TCF7: variants seen among roughly 807,000 people sequenced by gnomAD.
The protein encoded by TCF7 is transcription factor 7.
In TCF7, 19 loss-of-function variants were observed where a neutral mutation model predicts 46.8. That is an observed-to-expected ratio of 0.41 (90% CI 0.28 to 0.60). TCF7 has a LOEUF of 0.60. TCF7 is among the 20% of genes least tolerant of loss of function. The pLI is 0.35. For missense variants in TCF7, 547 were observed against 504.6 expected (o/e 1.08, Z -0.81); for synonymous variants, 245 against 213.4 (o/e 1.15, Z -1.29).
intron 3 of TCF7, 72 bp from the exon 4 acceptor site, chr5:134,137,987 G>T: frequency 7.7e-7 from 1 of 1,300,142 alleles, no homozygotes; most frequent in Non-Finnish European, 1.1e-6. Context: ...TGGGCTTCCT[G>T]TATACCCTCA....
At position 134,115,175 on chromosome 5, in the gene TCF7, G is replaced by A; in HGVS notation, c.249+20G>A. On this transcript the variant is annotated intron_variant, in intron 1 of 9. Transcript: ENST00000342854. ...GCCGAGGTGAGCCCCCGCCGGCGCC[G>A]GCTCCTCCCCCGCGGTCGCCGCGCC... The A allele has an allele frequency of 5.7e-6, 6 of 1,051,086 alleles. No individual in the cohort carries two copies. The highest frequency in any genetic ancestry group is 6.9e-6 in the Non-Finnish European group (6 of 869,604). 65.1% of individuals were successfully genotyped at this position (1,051,086 alleles called of 1,614,324 possible).
At chr5:134,120,035 G>T (rs111655602) in intron 3 of TCF7, among the ~76,000 whole-genome samples, 1 of 152,192 alleles carries the variant, frequency 6.6e-6, no homozygotes, top group Non-Finnish European at 1.5e-5. Context: ...CAGAGCTGGC[G>T]AGAGGAGCGC....
Position 134,115,374 on chromosome 5 carries a change from G to A in TCF7, c.303G>A (p.Glu101=). The change falls in exon 2 of 10, where the codon GAG becomes GAA. Residue 101 remains glutamate (E), a synonymous_variant. Coordinates refer to ENST00000342854, the MANE Select transcript of TCF7 (RefSeq NM_003202.5). ...AQRLFPDKLP[E]PLEDGLKAPE... ...GACTCTTCCCGGACAAACTTCCAGA[G>A]CCCCTGGAGGACGGTGAGTTTCTGC... 6.2e-7 allele frequency: 1 copy of A among 1,602,478 alleles called. No homozygotes were observed. The highest frequency in any genetic ancestry group is 1.1e-5 in the South Asian group (1 of 89,016).
At chr5:134,140,744 C>T (rs1456357836) in intron 5 of TCF7, 2 of 453,808 alleles carry the variant, frequency 4.4e-6, no homozygotes, top group East Asian at 7.0e-5. Context: ...GAAGTCTTTC[C>T]TCGTGTCTGG....
At chr5:134,112,548 G>A (rs970925967), upstream of TCF7, among the ~76,000 whole-genome samples, 2 of 152,180 alleles carry the variant, frequency 1.3e-5, no homozygotes, top group African/African-American at 2.4e-5. Context: ...TTGGAGCTAT[G>A]ACCCCATAGG....
At chr5:134,124,391 C>T (rs1757049144) in intron 3 of TCF7, among the ~76,000 whole-genome samples, 1 of 152,218 alleles carries the variant, frequency 6.6e-6, no homozygotes, top group Non-Finnish European at 1.5e-5. Context: ...TCCCCCTTCC[C>T]CTGCTTTCTG....
intron 3 of TCF7, among the ~76,000 whole-genome samples, chr5:134,126,200 T>C (rs550256752): frequency 1.4e-4 from 22 of 152,354 alleles, no homozygotes; most frequent in Non-Finnish European, 1.9e-4. Context: ...AGGTCTCTGC[T>C]GGCTGGGTAC....
intron 3 of TCF7, among the ~76,000 whole-genome samples, chr5:134,124,774 C>G (rs949225890): frequency 3.9e-5 from 6 of 152,192 alleles, no homozygotes; most frequent in Non-Finnish European, 8.8e-5. Context: ...GGCAGAGGCT[C>G]CAGGCATGGA....
chr5:134,139,224 C>T (rs1343635463), intron 5 of TCF7, 186 bp downstream of exon 5: 7 of 844,366 alleles, frequency 8.3e-6, no homozygotes, highest in Non-Finnish European at 8.9e-6. Context: ...TGTACCCCGG[C>T]CTGCATTCCC....
intron 5 of TCF7, chr5:134,139,978 C>T (rs1223891820): frequency 6.6e-6 from 1 of 152,246 alleles, no homozygotes; most frequent in Admixed American, 6.5e-5. Flanking sequence ...ACCAGGGTTC[C>T]GTGGATGCAA....
chr5:134,139,246 A>T, intron 5 of TCF7: 1 of 694,904 alleles, frequency 1.4e-6, no homozygotes, highest in Non-Finnish European at 2.3e-6. Flanking sequence ...AGGGAGCCTG[A>T]CATACTCCCT....
chr5:134,137,458 A>G (rs925514188), intron 3 of TCF7, among the ~76,000 whole-genome samples: 3 of 151,304 alleles, frequency 2.0e-5, no homozygotes, highest in African/African-American at 7.3e-5. Flanking sequence ...CAGAGAAAAA[A>G]GAAAAGTAAG....
intron 3 of TCF7, among the ~76,000 whole-genome samples, chr5:134,124,762 G>A (rs566463961): frequency 6.6e-6 from 1 of 152,192 alleles, no homozygotes; most frequent in Non-Finnish European, 1.5e-5. Context: ...TGATGAGTGT[G>A]CGGCAGAGGC....
chr5:134,128,582 A>ACT (rs137939532), intron 3 of TCF7, among the ~76,000 whole-genome samples: 22,475 of 150,600 alleles, frequency 0.15, 2,624 homozygotes, highest in African/African-American at 0.32. Context: ...AGAACACATG[A>ACT]CAAGACCCCT....
At chr5:134,141,309 T>G (rs769557917) in intron 5 of TCF7, 1 of 153,548 alleles carries the variant, frequency 6.5e-6, no homozygotes, top group Non-Finnish European at 1.4e-5. Flanking sequence ...GTGCAAGCAG[T>G]AAGGGGCAGA....
At chr5:134,119,370 A>G (rs1193811006) in intron 3 of TCF7, among the ~76,000 whole-genome samples, 1 of 152,124 alleles carries the variant, frequency 6.6e-6, no homozygotes, top group Non-Finnish European at 1.5e-5. Flanking sequence ...GGGTATGGAG[A>G]TACTTTCTGG....
chr5:134,127,178 C>G (rs1401795060), intron 3 of TCF7, among the ~76,000 whole-genome samples: 1 of 152,332 alleles, frequency 6.6e-6, no homozygotes. Flanking sequence ...CTGGATTCCT[C>G]TGGCCCCAGA....
At chr5:134,109,866 G>A (rs1363431810), upstream of TCF7, among the ~76,000 whole-genome samples, 2 of 151,916 alleles carry the variant, frequency 1.3e-5, no homozygotes, top group African/African-American at 4.8e-5. Context: ...GACTTCACTC[G>A]GCAAGCCAGT....
At chr5:134,135,953 T>G (rs372199973) in intron 3 of TCF7, among the ~76,000 whole-genome samples, 1 of 151,664 alleles carries the variant, frequency 6.6e-6, no homozygotes, top group Non-Finnish European at 1.5e-5. Flanking sequence ...TGCAGAGAGG[T>G]TGGATAAAAT....
Sources: gnomAD v4.1 joint callset for allele counts (sites outside exome capture counted in the v4.1 genomes callset) on GRCh38, gnomAD v4.1.1 for gene constraint, MANE v1.5 for transcripts, NCBI Gene and HGNC (gene_info 2026-07-23, HGNC 2026-07-21) for gene names.